CSMD1: variants seen among roughly 807,000 people sequenced by gnomAD.
The protein encoded by CSMD1 is CUB and sushi domain-containing protein 1.
In CSMD1, 213 loss-of-function variants were observed where a neutral mutation model predicts 417.5. The ratio of observed to expected loss-of-function variants is 0.51; its 90% CI spans 0.46 to 0.57. The LOEUF (loss-of-function observed/expected upper bound fraction) is 0.57, where lower values mean the gene tolerates loss of function less well. CSMD1 is among the 20% of genes least tolerant of loss of function. The pLI, the probability that CSMD1 is intolerant of heterozygous loss-of-function variation, is 0.00. For missense variants in CSMD1, 6,923 were observed against 4,529.7 expected, an observed-to-expected ratio of 1.53 and a Z score of -15.17; for synonymous variants, 2,862 against 1,736.8, an observed-to-expected ratio of 1.65 and a Z score of -16.11.
chr8:4,799,919 G>A (rs147315947), intron 1 of CSMD1, among the ~76,000 whole-genome samples: 1 of 152,108 alleles, frequency 6.6e-6, no homozygotes, highest in Non-Finnish European at 1.5e-5. Context: ...TATGCATGCA[G>A]CTTTCGAAAG....
intron 1 of CSMD1, among the ~76,000 whole-genome samples, chr8:4,945,190 G>C (rs149619760): frequency 5.6e-4 from 85 of 152,282 alleles, no homozygotes; most frequent in African/African-American, 1.9e-3. Context: ...GAGGTTTGTA[G>C]AGCAGTGAAA....
At position 3,057,544 on chromosome 8, in the gene CSMD1, T is replaced by G. The variant is rs1429440298; in HGVS notation, c.7475-4897A>C. The stretch of plus-strand genomic sequence containing the variant: ...AGTACATATGTGTAATTATGTCTTA[T>G]TTTATACATGATTTTATAGTTATAG... On this transcript the variant is annotated intron_variant, in intron 49 of 69. Transcript: ENST00000635120. 2.6e-5 allele frequency among the ~76,000 whole-genome samples: 3 copies of G among 115,024 alleles called. No homozygotes were observed. In the East Asian group the frequency reaches 6.6e-4, roughly 25 times the overall value. The allele number at this position is 115,024 out of a possible 152,430, so 75.5% of individuals were successfully genotyped here.
intron 5 of CSMD1, among the ~76,000 whole-genome samples, chr8:3,793,444 C>G (rs1044152950): frequency 4.6e-5 from 7 of 152,052 alleles, no homozygotes; most frequent in Non-Finnish European, 1.0e-4. Context: ...CAAGAACTCC[C>G]CTTTCTAGTA....
At chr8:3,527,003 T>A (rs564947032) in intron 10 of CSMD1, among the ~76,000 whole-genome samples, 2 of 152,184 alleles carry the variant, frequency 1.3e-5, no homozygotes, top group East Asian at 3.9e-4. Flanking sequence ...CCTTTTCTGG[T>A]TGCCTCTCCC....
intron 2 of CSMD1, among the ~76,000 whole-genome samples, chr8:4,565,838 C>A (rs1798582839): frequency 1.4e-5 from 2 of 147,620 alleles, no homozygotes; most frequent in South Asian, 2.1e-4. Context: ...CACGCACACA[C>A]ACACAAATTT....
chr8:3,346,187 T>C (rs1807977740), intron 22 of CSMD1, among the ~76,000 whole-genome samples: 1 of 152,206 alleles, frequency 6.6e-6, no homozygotes, highest in African/African-American at 2.4e-5. Flanking sequence ...TCTCTGTAAT[T>C]AAATGTGAGA....
At chr8:4,448,139 TGTATCGCTC>T (rs993374182) in intron 2 of CSMD1, among the ~76,000 whole-genome samples, 5 of 152,236 alleles carry the variant, frequency 3.3e-5, no homozygotes, top group African/African-American at 1.2e-4. Context: ...TTTACCAATG[TGTATCGCTC>T]GTATCACCTC....
rs969663927 is a variant in CSMD1 at position 4,745,703 on chromosome 8, G to C, written c.86-108145C>G. ...GCTTTCACAATTCTTAGCTACTGAG[G>C]GCTATCATTAACTTAGCATACTTTA... On this transcript the variant is annotated intron_variant, in intron 1 of 69. Coordinates refer to ENST00000635120, the MANE Select transcript of CSMD1 (RefSeq NM_033225.6). 4.6e-5 allele frequency among the ~76,000 whole-genome samples: 7 copies of C among 152,096 alleles called. 1 individual carries two copies. The highest frequency in any genetic ancestry group is 1.3e-4 in the Admixed American group (2 of 15,280).
chr8:3,747,493 G>T (rs1055168019), intron 6 of CSMD1, among the ~76,000 whole-genome samples: 2 of 131,930 alleles, frequency 1.5e-5, no homozygotes, highest in African/African-American at 2.7e-5. Context: ...CAAATCATAC[G>T]TTTGTTTTTT....
chr8:4,464,936 T>C (rs1408082167), intron 2 of CSMD1, among the ~76,000 whole-genome samples: 2 of 152,152 alleles, frequency 1.3e-5, no homozygotes, highest in Non-Finnish European at 2.9e-5. Flanking sequence ...GAAGCCATAT[T>C]CAAACCAGAT....
chr8:3,629,713 G>C (rs1251442100), intron 7 of CSMD1, among the ~76,000 whole-genome samples: 1 of 136,372 alleles, frequency 7.3e-6, no homozygotes, highest in Non-Finnish European at 1.6e-5. Flanking sequence ...GATCGGCACA[G>C]AAAGAATAAA....
At chr8:3,256,104 A>AGTGG (rs1258500289) in intron 26 of CSMD1, among the ~76,000 whole-genome samples, 1 of 152,026 alleles carries the variant, frequency 6.6e-6, no homozygotes. Context: ...GAGGCAGACC[A>AGTGG]ATCACCTGAG....
chr8:4,853,101 G>A (rs1563591769), intron 1 of CSMD1, among the ~76,000 whole-genome samples: 1 of 152,304 alleles, frequency 6.6e-6, no homozygotes, highest in Non-Finnish European at 1.5e-5. Context: ...TGGTAGAAAA[G>A]AAAAGCATGT....
chr8:3,659,933 A>C (rs1354953523), intron 7 of CSMD1, among the ~76,000 whole-genome samples: 2 of 152,230 alleles, frequency 1.3e-5, no homozygotes, highest in East Asian at 3.9e-4. Flanking sequence ...TTCATTGTGT[A>C]ATCTAAAAGA....
chr8:4,807,227 G>A lies in CSMD1; in HGVS notation c.86-169669C>T, dbSNP rs556275648. 5.3e-5 allele frequency among the ~76,000 whole-genome samples: 8 copies of A among 152,152 alleles called. No individual in the cohort carries two copies. In the East Asian group the frequency reaches 1.2e-3, roughly 22 times the overall value. On this transcript the variant is annotated intron_variant, in intron 1 of 69. Transcript: ENST00000635120. ...TCTGCCTGTCCACCACTCACCCGGGGGTTCGGCAGCTTCTCCCACAGAAAG... is the reference window on the plus strand; with the variant it reads ...TCTGCCTGTCCACCACTCACCCGGGAGTTCGGCAGCTTCTCCCACAGAAAG...
chr8:3,472,907 T>C lies in CSMD1; in HGVS notation c.1449-4083A>G, dbSNP rs73660043. On this transcript the variant is annotated intron_variant, in intron 11 of 69. Coordinates refer to ENST00000635120, the MANE Select transcript of CSMD1 (RefSeq NM_033225.6). ...CTGTTGGGGGAGTTTATTTTCCTCG[T>C]ACTTCTTTGATGTTTTTCACACCAC... Among the ~76,000 whole-genome samples, 994 of 152,198 alleles carry C rather than the reference T, an allele frequency of 6.5e-3. 15 individuals carry two copies. Among genetic ancestry groups the C allele is most frequent in the African/African-American group, 0.022 (911 of 41,522 alleles).
chr8:4,568,758 T>C (rs1798741218), intron 2 of CSMD1, among the ~76,000 whole-genome samples: 1 of 152,218 alleles, frequency 6.6e-6, no homozygotes, highest in Non-Finnish European at 1.5e-5. Context: ...GCGCTCCTAA[T>C]TCTCCATAAC....
chr8:4,636,177 A>G (rs1184424252), intron 2 of CSMD1, among the ~76,000 whole-genome samples: 2 of 152,114 alleles, frequency 1.3e-5, no homozygotes, highest in Admixed American at 1.3e-4. Context: ...TGGCATTAAC[A>G]TCAGTAATCT....
Position 3,108,644 on chromosome 8 carries a change from C to A in CSMD1, c.6713G>T (p.Ser2238Ile). 1 of 1,613,790 alleles carries A rather than the reference C, an allele frequency of 6.2e-7. No homozygotes were observed. The highest frequency in any genetic ancestry group is 1.3e-5 in the African/African-American group (1 of 75,018). ...STNQVLLKFH[S>I]DFSNGGFFVL... ...AAAGAAGCCTCCATTTGAAAAGTCG[C>A]TGTGGAACTTGAGCAGGACTTGGTT... is the stretch of plus-strand genomic sequence containing the variant. Residue 2238 changes from serine (S) to isoleucine (I), a missense_variant, in exon 44 of 70, where the codon AGC becomes ATC. By Grantham distance (142) the Ser-to-Ile change is moderately radical (BLOSUM62 -2). Transcript: ENST00000635120.
Sources: allele counts gnomAD v4.1 joint callset (sites outside exome capture counted in the v4.1 genomes callset), GRCh38; gene constraint gnomAD v4.1.1; transcripts MANE v1.5; gene names NCBI Gene and HGNC (gene_info 2026-07-23, HGNC 2026-07-21).